Variants in PKIB observed in about 807,000 individuals in gnomAD.
PKIB encodes cAMP-dependent protein kinase inhibitor beta, also known as PKI-beta.
A neutral mutation model predicts 4.5 loss-of-function variants in PKIB; 2 were observed. That is an observed-to-expected ratio of 0.44 (90% CI 0.18 to 1.39). PKIB has a LOEUF of 1.39. PKIB is among the 40% of genes most tolerant of loss of function. PKIB has a pLI of 0.27. For missense variants in PKIB, 94 were observed against 92.6 expected (o/e 1.02, Z -0.06); for synonymous variants, 38 against 36.0 (o/e 1.06, Z -0.20).
intron 2 of PKIB, among the ~76,000 whole-genome samples, chr6:122,573,681 T>G (rs760362964): frequency 6.6e-6 from 1 of 151,954 alleles, no homozygotes; most frequent in African/African-American, 2.4e-5. Flanking sequence ...AAAATAATTA[T>G]CTCAATAGAT....
chr6:122,608,058 C>G (rs1272204518), upstream of PKIB, among the ~76,000 whole-genome samples: 1 of 152,172 alleles, frequency 6.6e-6, no homozygotes, highest in Non-Finnish European at 1.5e-5. Flanking sequence ...GATCTTCGTT[C>G]TACGTCAGCC....
intron 2 of PKIB, among the ~76,000 whole-genome samples, chr6:122,645,145 G>T (rs1170506791): frequency 6.6e-6 from 1 of 152,160 alleles, no homozygotes; most frequent in South Asian, 2.1e-4. Flanking sequence ...GTACAGGTTG[G>T]TACATGACTT....
At chr6:122,668,943 G>A (rs1008287528) in intron 2 of PKIB, among the ~76,000 whole-genome samples, 13 of 152,120 alleles carry the variant, frequency 8.5e-5, no homozygotes, top group Non-Finnish European at 1.5e-4. Context: ...GGCTGGGTGC[G>A]TTGGCTCACT....
At chr6:122,524,343 TTCC>T (rs199816196) in intron 2 of PKIB, among the ~76,000 whole-genome samples, 2,961 of 148,322 alleles carry the variant, frequency 0.02, 277 homozygotes, top group Admixed American at 0.17. Flanking sequence ...CTTCTTCTTC[TTCC>T]TCCTCCTCCT....
At chr6:122,585,841 T>TA (rs1382461281) in intron 2 of PKIB, 1 of 152,190 alleles carries the variant, frequency 6.6e-6, no homozygotes. Context: ...TTTGGGGTGT[T>TA]ATTACTTACG....
At chr6:122,630,982 A>G (rs1775676456) in intron 1 of PKIB, among the ~76,000 whole-genome samples, 1 of 152,116 alleles carries the variant, frequency 6.6e-6, no homozygotes, top group South Asian at 2.1e-4. Context: ...GATTAGCAGC[A>G]TTTTTTGTCG....
chr6:122,622,564 A>G (rs935240560), intron 1 of PKIB, among the ~76,000 whole-genome samples: 1 of 152,130 alleles, frequency 6.6e-6, no homozygotes, highest in African/African-American at 2.4e-5. Context: ...CTCTTGAGAG[A>G]CAGTGAGCTG....
At chr6:122,599,327 C>G (rs1006048003) in intron 3 of PKIB, among the ~76,000 whole-genome samples, 17 of 152,194 alleles carry the variant, frequency 1.1e-4, no homozygotes, top group African/African-American at 4.1e-4. Context: ...CCAGCTTTAT[C>G]AGGGTCCTCC....
intron 2 of PKIB, among the ~76,000 whole-genome samples, chr6:122,640,461 C>T (rs1776079989): frequency 6.6e-6 from 1 of 152,070 alleles, no homozygotes; most frequent in Non-Finnish European, 1.5e-5. Context: ...TCTAAGAGAC[C>T]TGTACTGTCA....
intron 4 of PKIB, among the ~76,000 whole-genome samples, chr6:122,719,393 A>G (rs915333207): frequency 6.6e-6 from 1 of 152,182 alleles, no homozygotes; most frequent in Non-Finnish European, 1.5e-5. Context: ...TTAAAGATGA[A>G]TTTACAAATA....
intron 2 of PKIB, among the ~76,000 whole-genome samples, chr6:122,645,553 A>G (rs1025467241): frequency 6.6e-6 from 1 of 152,228 alleles, no homozygotes; most frequent in Non-Finnish European, 1.5e-5. Flanking sequence ...GAAGCAGACA[A>G]TATCCAGGCA....
chr6:122,682,242 T>C (rs1190452975), intron 3 of PKIB, among the ~76,000 whole-genome samples: 1 of 152,132 alleles, frequency 6.6e-6, no homozygotes, highest in East Asian at 1.9e-4. Context: ...ATTATACTTG[T>C]TACAAGACAC....
chr6:122,485,751 C>A (rs1212463986), intron 2 of PKIB, among the ~76,000 whole-genome samples: 1 of 152,118 alleles, frequency 6.6e-6, no homozygotes, highest in Non-Finnish European at 1.5e-5. Context: ...CATTAGCAGT[C>A]GAGTGCCTGA....
intron 2 of PKIB, among the ~76,000 whole-genome samples, chr6:122,562,045 A>G (rs1200330478): frequency 6.2e-5 from 3 of 48,476 alleles, no homozygotes; most frequent in Non-Finnish European, 1.2e-4. Context: ...TTTTTGCTGT[A>G]TAGTTTCTGT....
At chr6:122,723,707 T>C (rs1450791224) in intron 4 of PKIB, among the ~76,000 whole-genome samples, 1 of 152,174 alleles carries the variant, frequency 6.6e-6, no homozygotes, top group Non-Finnish European at 1.5e-5. Context: ...CCACTATCTA[T>C]ATAGAATTCT....
rs185604091 is a variant in PKIB, at chr6:122,497,873, C to A, written c.-248+19934C>A. On this transcript the variant is annotated intron_variant, in intron 2 of 6. Coordinates refer to the PKIB transcript ENST00000392491. ...TTGACCAACTGGACACAATAGGCATCTACAGGACACTCTACCCATCAACCA... is the reference window on the plus strand; with the variant it reads ...TTGACCAACTGGACACAATAGGCATATACAGGACACTCTACCCATCAACCA... Among the ~76,000 whole-genome samples, 17 of 152,306 alleles carry A rather than the reference C, an allele frequency of 1.1e-4. No homozygotes were observed. The South Asian group carries it at 1.9e-3, about 17-fold the overall frequency.
chr6:122,710,236 AT>A (rs558887416), intron 3 of PKIB, among the ~76,000 whole-genome samples: 80 of 152,278 alleles, frequency 5.3e-4, no homozygotes, highest in African/African-American at 1.9e-3. Flanking sequence ...TACTGATGTC[AT>A]AAACCGCCAT....
intron 2 of PKIB, among the ~76,000 whole-genome samples, chr6:122,657,260 C>T (rs1171802053): frequency 2.0e-5 from 3 of 152,060 alleles, no homozygotes; most frequent in Non-Finnish European, 4.4e-5. Context: ...TCCCTTTATC[C>T]AATAGGACTT....
chr6:122,575,851 C>G (rs1773515471), intron 2 of PKIB, among the ~76,000 whole-genome samples: 1 of 152,064 alleles, frequency 6.6e-6, no homozygotes, highest in African/African-American at 2.4e-5. Context: ...TCAGAATTTA[C>G]CATTAAAGAA....
Sources: allele counts gnomAD v4.1 joint callset (sites outside exome capture counted in the v4.1 genomes callset), GRCh38; gene constraint gnomAD v4.1.1; transcripts MANE v1.5; gene names NCBI Gene and HGNC (gene_info 2026-07-23, HGNC 2026-07-21).